SMAD1: variants seen among roughly 807,000 people sequenced by gnomAD.
SMAD1 encodes SMAD family member 1.
Under a neutral mutation model 41.6 loss-of-function variants are expected in SMAD1, and 6 were observed. The ratio of observed to expected loss-of-function variants is 0.14; its 90% CI spans 0.08 to 0.28. The LOEUF is 0.28. Among genes scored for constraint, SMAD1 ranks in the 10% least tolerant of loss-of-function variants. The probability of loss-of-function intolerance (pLI) is 1.00; values close to 1 mark genes in which losing one functional copy is unlikely to be tolerated. For missense variants in SMAD1, 379 were observed against 582.6 expected (o/e 0.65, Z 3.60); for synonymous variants, 206 against 203.2 (o/e 1.01, Z -0.12).
rs1728903934 is a variant in SMAD1 at position 145,493,765 on chromosome 4, C to T, written c.-177+11727C>T. The stretch of plus-strand genomic sequence containing the variant: ...AAGTATTTCATGCATTCCTGCTGTG[C>T]ATCCAGCACTGGACTATGTTTTGGA... On this transcript the variant is annotated intron_variant, in intron 1 of 6. Transcript: ENST00000302085. Among the ~76,000 whole-genome samples the T allele has an allele frequency of 3.9e-5, 6 of 152,180 alleles. No homozygotes were observed. The South Asian group carries it at 1.0e-3, about 26-fold the overall frequency.
chr4:145,492,525 T>C (rs1385936019), intron 1 of SMAD1, among the ~76,000 whole-genome samples: 1 of 152,232 alleles, frequency 6.6e-6, no homozygotes, highest in East Asian at 1.9e-4. Flanking sequence ...CGTGCCACGC[T>C]TCAGGAACCT....
chr4:145,505,322 A>T (rs1388853740), intron 1 of SMAD1, among the ~76,000 whole-genome samples: 18 of 152,160 alleles, frequency 1.2e-4, no homozygotes, highest in Non-Finnish European at 1.2e-4. Context: ...TGACACATAC[A>T]TTTCTGTAAT....
chr4:145,505,926 C>T (rs1424335211), intron 1 of SMAD1, among the ~76,000 whole-genome samples: 2 of 151,836 alleles, frequency 1.3e-5, no homozygotes, highest in Non-Finnish European at 2.9e-5. Flanking sequence ...CTTACTGCAA[C>T]CTCCACCTCC....
intron 1 of SMAD1, among the ~76,000 whole-genome samples, chr4:145,502,534 A>C (rs141057736): frequency 6.6e-6 from 1 of 152,240 alleles, no homozygotes; most frequent in Non-Finnish European, 1.5e-5. Context: ...AAAATTAACC[A>C]GGTACTCTAT....
intron 3 of SMAD1, among the ~76,000 whole-genome samples, chr4:145,542,196 A>G (rs1253976901): frequency 2.0e-5 from 3 of 152,266 alleles, no homozygotes; most frequent in Non-Finnish European, 4.4e-5. Context: ...TAAGAAGTCC[A>G]GTGAAGCTTT....
intron 1 of SMAD1, among the ~76,000 whole-genome samples, chr4:145,498,740 A>G (rs1379244115): frequency 6.6e-6 from 1 of 152,170 alleles, no homozygotes; most frequent in Non-Finnish European, 1.5e-5. Context: ...TTCTTACTGA[A>G]CAGTTGTGGT....
At chr4:145,522,637 T>G (rs912321570) in intron 2 of SMAD1, among the ~76,000 whole-genome samples, 5 of 152,264 alleles carry the variant, frequency 3.3e-5, no homozygotes, top group Middle Eastern at 3.4e-3. Context: ...AATGTCTTGC[T>G]TCACCACATT....
rs386401772 is a variant in SMAD1, at chr4:145,558,738, C to CTG, written c.*805_*806insGT. Among the ~76,000 whole-genome samples, 3 of 114,622 alleles carry CTG rather than the reference C, an allele frequency of 2.6e-5. No homozygotes were observed. The highest frequency in any genetic ancestry group is 7.7e-5 in the Admixed American group (1 of 13,054). 75.2% of individuals were successfully genotyped at this position (114,622 alleles called of 152,430 possible). A position where few individuals can be genotyped will look rare whatever the true frequency, so the allele number is the denominator to read the frequency against. On this transcript the variant is annotated 3_prime_UTR_variant, in exon 7 of 7. Transcript: ENST00000302085. ...AGAGATTTTTATCATTTTTTTCTCT[C>CTG]TCGGCATTCTTTTTTCTCATACTCT... is the stretch of plus-strand genomic sequence containing the variant.
At chr4:145,515,526 C>T (rs7675811) in intron 2 of SMAD1, among the ~76,000 whole-genome samples, 1,782 of 152,096 alleles carry the variant, frequency 0.012, 32 homozygotes, top group African/African-American at 0.039. Flanking sequence ...TCATCTCTGG[C>T]GGAATTTTGC....
At chr4:145,547,026 A>T in intron 5 of SMAD1, 102 bp downstream of exon 5, 1 of 921,294 alleles carries the variant, frequency 1.1e-6, no homozygotes, top group East Asian at 2.5e-5. Context: ...TGTAGCAAAG[A>T]CCAGGTAATG....
At chr4:145,535,508 A>G (rs1355473027) in intron 2 of SMAD1, among the ~76,000 whole-genome samples, 2 of 152,222 alleles carry the variant, frequency 1.3e-5, no homozygotes, top group Admixed American at 6.5e-5. Context: ...ACCTCTGTGC[A>G]CTAATATGAA....
chr4:145,488,855 A>G (rs1270452782), intron 1 of SMAD1, among the ~76,000 whole-genome samples: 1 of 152,216 alleles, frequency 6.6e-6, no homozygotes, highest in Non-Finnish European at 1.5e-5. Flanking sequence ...AAATGCAGCA[A>G]CATTATAAGA....
At chr4:145,523,911 T>C (rs1730891420) in intron 2 of SMAD1, among the ~76,000 whole-genome samples, 1 of 152,110 alleles carries the variant, frequency 6.6e-6, no homozygotes, top group Non-Finnish European at 1.5e-5. Context: ...TTTTGGTTTG[T>C]TTTTTTGAGA....
rs980445564 is a variant in SMAD1 at position 145,482,599 on chromosome 4, C to G, written c.-177+561C>G. The G allele has an allele frequency of 2.0e-5, 3 of 152,216 alleles. No individual in the cohort carries two copies. The highest frequency in any genetic ancestry group is 7.2e-5 in the African/African-American group (3 of 41,448). 9.4% of individuals were successfully genotyped at this position (152,216 alleles called of 1,614,324 possible). A position where few individuals can be genotyped will look rare whatever the true frequency, so the allele number is the denominator to read the frequency against. ...TCTCGCGGGCGGGGGACCCCGGCGCCCCGGGCCCCTCCACATCCCGCACGG... is the reference window on the plus strand; with the variant it reads ...TCTCGCGGGCGGGGGACCCCGGCGCGCCGGGCCCCTCCACATCCCGCACGG... On this transcript the variant is annotated intron_variant, in intron 1 of 6. Coordinates refer to ENST00000302085, the MANE Select transcript of SMAD1 (RefSeq NM_005900.3). The surrounding 1 kb of genome is among the most constrained non-coding windows in gnomAD (Gnocchi z 4.2).
chr4:145,506,406 T>C (rs752469288), intron 1 of SMAD1, among the ~76,000 whole-genome samples: 7 of 151,870 alleles, frequency 4.6e-5, no homozygotes, highest in Admixed American at 2.0e-4. Flanking sequence ...GTACGGAGAG[T>C]TTTTGGATTT....
intron 2 of SMAD1, among the ~76,000 whole-genome samples, chr4:145,515,967 G>T (rs553494734): frequency 2.0e-5 from 3 of 152,276 alleles, no homozygotes; most frequent in Middle Eastern, 3.4e-3. Context: ...ACTAGATCAT[G>T]TAATAACATG....
intron 2 of SMAD1, among the ~76,000 whole-genome samples, chr4:145,523,079 T>C (rs887506761): frequency 6.6e-6 from 1 of 152,362 alleles, no homozygotes; most frequent in South Asian, 2.1e-4. Context: ...AGCAATAATA[T>C]TAACTATAAA....
chr4:145,532,320 GA>G (rs1425649083), intron 2 of SMAD1, among the ~76,000 whole-genome samples: 1 of 152,162 alleles, frequency 6.6e-6, no homozygotes, highest in East Asian at 1.9e-4. Flanking sequence ...TCTCCTGAGA[GA>G]AAAGGAAAAG....
At chr4:145,545,746 A>T (rs1414305635) in intron 4 of SMAD1, 2 of 152,094 alleles carry the variant, frequency 1.3e-5, no homozygotes, top group Non-Finnish European at 2.9e-5. Context: ...TACACCCAAG[A>T]CTTCATAAAC....
Sources: allele counts gnomAD v4.1 joint callset (sites outside exome capture counted in the v4.1 genomes callset), GRCh38; gene constraint gnomAD v4.1.1; non-coding constraint Gnocchi (gnomAD v3.1); transcripts MANE v1.5; gene names NCBI Gene and HGNC (gene_info 2026-07-23, HGNC 2026-07-21).